SLC25A37: variants seen among roughly 807,000 people sequenced by gnomAD.
SLC25A37 encodes the protein mitoferrin-1.
SLC25A37 carries 17 observed loss-of-function variants against 31.0 expected under a neutral mutation model. The ratio of observed to expected loss-of-function variants is 0.55; its 90% confidence interval spans 0.38 to 0.82. SLC25A37 has a LOEUF of 0.82. Among genes scored for constraint, SLC25A37 ranks in the 40% least tolerant of loss-of-function variants. The pLI, the probability that SLC25A37 is intolerant of heterozygous loss-of-function variation, is 0.00. For synonymous variants in SLC25A37, 222 were observed against 193.0 expected, an observed-to-expected ratio of 1.15 and a Z score of -1.24; for missense variants, 404 against 465.8, an observed-to-expected ratio of 0.87 and a Z score of 1.22.
intron 1 of SLC25A37, among the ~76,000 whole-genome samples, chr8:23,548,286 C>A (rs1802123283): frequency 6.6e-6 from 1 of 152,140 alleles, no homozygotes; most frequent in Admixed American, 6.5e-5. Context: ...TCAAGCGATT[C>A]TCCTGCTTCA....
Position 23,529,088 on chromosome 8 carries a change from A to G in SLC25A37, c.86A>G (p.Asp29Gly), listed in dbSNP as rs748122896. 1 of 1,603,856 alleles carries G rather than the reference A, an allele frequency of 6.2e-7. No homozygotes were observed. The highest frequency in any genetic ancestry group is 8.5e-7 in the Non-Finnish European group (1 of 1,176,248). The change falls in exon 1 of 4, where the codon GAC becomes GGC. Residue 29 changes from aspartate (D) to glycine (G), a missense_variant. Asp to Gly is a moderately conservative substitution (Grantham distance 94). Transcript: ENST00000519973. The surrounding 1 kb of genome is among the most constrained non-coding windows in gnomAD (Gnocchi z 4.1). ...AGCCGAGATGGCGGCGGCGGCAAGGACGCCACCGGGTCGGAGGACTACGAG... is the reference window on the plus strand; with the variant it reads ...AGCCGAGATGGCGGCGGCGGCAAGGGCGCCACCGGGTCGGAGGACTACGAG... ...GDSRDGGGGK[D>G]ATGSEDYENL...
Position 23,551,527 on chromosome 8 carries a change from T to C in SLC25A37, c.211-14581T>C, listed in dbSNP as rs765103287. Among the ~76,000 whole-genome samples, 82 of 151,832 alleles carry C rather than the reference T, an allele frequency of 5.4e-4. No individual in the cohort carries two copies. The Middle Eastern group carries it at 0.014, about 25-fold the overall frequency. On this transcript the variant is annotated intron_variant, in intron 1 of 3. Coordinates refer to ENST00000519973, the MANE Select transcript of SLC25A37 (RefSeq NM_016612.4). The stretch of plus-strand genomic sequence containing the variant: ...GCTAGGCAGTGAGTCAGGAAGGAAT[T>C]GGTAAAAATGACGTCATTGCTAAGA...
rs186664013 is a variant in SLC25A37, at chr8:23,572,171, G to A, written c.*316G>A. 17 of 154,090 alleles carry A rather than the reference G, an allele frequency of 1.1e-4. 1 individual carries two copies. The highest frequency in any genetic ancestry group is 5.8e-4 in the African/African-American group (17 of 29,178). The allele number at this position is 154,090 out of a possible 1,614,324, so 9.5% of individuals were successfully genotyped here. ...CTCCCTGGATCCTTAGATCCCAGAG[G>A]AGGGAAGAAAATTTGCAGTGACTGA... is the stretch of plus-strand genomic sequence containing the variant. On this transcript the variant is annotated 3_prime_UTR_variant, in exon 4 of 4. Transcript: ENST00000519973.
chr8:23,538,079 A>G (rs1371636112), intron 1 of SLC25A37, among the ~76,000 whole-genome samples: 1 of 152,108 alleles, frequency 6.6e-6, no homozygotes, highest in African/African-American at 2.4e-5. Context: ...AAGTTATGAA[A>G]AGCTTTAAAA....
chr8:23,543,803 T>A (rs942994848), intron 1 of SLC25A37, among the ~76,000 whole-genome samples: 2 of 151,944 alleles, frequency 1.3e-5, no homozygotes, highest in South Asian at 4.2e-4. Flanking sequence ...CCCAAGATGC[T>A]GGGATTACAG....
At chr8:23,545,646 T>G (rs1204056682) in intron 1 of SLC25A37, among the ~76,000 whole-genome samples, 3 of 152,162 alleles carry the variant, frequency 2.0e-5, no homozygotes, top group Non-Finnish European at 4.4e-5. Context: ...TCAGGGTGGT[T>G]AGACAATGCC....
chr8:23,539,173 G>A (rs926920034), intron 1 of SLC25A37, among the ~76,000 whole-genome samples: 22 of 152,182 alleles, frequency 1.4e-4, no homozygotes, highest in African/African-American at 4.8e-4. Flanking sequence ...GTTGAAATAG[G>A]GAGAAATCCC....
chr8:23,538,408 CA>C (rs1801819246), intron 1 of SLC25A37, among the ~76,000 whole-genome samples: 1 of 46,132 alleles, frequency 2.2e-5, no homozygotes, highest in African/African-American at 6.9e-5. Context: ...AAAAAAAAAC[CA>C]GAAAAAAAAA....
intron 1 of SLC25A37, among the ~76,000 whole-genome samples, chr8:23,543,837 A>AAAGC (rs1801964622): frequency 7.5e-6 from 1 of 133,630 alleles, no homozygotes; most frequent in African/African-American, 3.2e-5. Context: ...CGCCCAGCAA[A>AAAGC]AAACGATGTG....
At chr8:23,557,549 A>C (rs553610322) in intron 1 of SLC25A37, among the ~76,000 whole-genome samples, 1 of 152,180 alleles carries the variant, frequency 6.6e-6, no homozygotes, top group African/African-American at 2.4e-5. Flanking sequence ...GCTCTGCAGG[A>C]ACCAGCTCCT....
chr8:23,553,643 G>A (rs1339045579), intron 1 of SLC25A37, among the ~76,000 whole-genome samples: 1 of 152,140 alleles, frequency 6.6e-6, no homozygotes, highest in Non-Finnish European at 1.5e-5. Context: ...GAATACTGAC[G>A]GAGTGCCAGG....
At position 23,538,395 on chromosome 8, in the gene SLC25A37, A is replaced by AAAAC. The variant is rs1183373934; in HGVS notation, c.210+9186_210+9187insCAAA. 1.8e-4 allele frequency among the ~76,000 whole-genome samples: 26 copies of AAAAC among 142,826 alleles called. 1 individual carries two copies. The highest frequency in any genetic ancestry group is 6.0e-4 in the African/African-American group (23 of 38,294). The allele number at this position is 142,826 out of a possible 152,430, so 93.7% of individuals were successfully genotyped here. A position where few individuals can be genotyped will look rare whatever the true frequency, so the allele number is the denominator to read the frequency against. ...GACTTCATCTCAAAAAAAAAAAAAA[A>AAAAC]AAAAAAAAAAACCAGAAAAAAAAAC... On this transcript the variant is annotated intron_variant, in intron 1 of 3. Transcript: ENST00000519973.
intron 1 of SLC25A37, among the ~76,000 whole-genome samples, chr8:23,556,893 C>T (rs933413729): frequency 6.6e-6 from 1 of 152,108 alleles, no homozygotes; most frequent in Non-Finnish European, 1.5e-5. Context: ...CTCTGTCACC[C>T]AGGCTGGAGT....
chr8:23,575,355 G>C lies in SLC25A37; in HGVS notation c.*3500G>C, dbSNP rs1802954722. On this transcript the variant is annotated 3_prime_UTR_variant, in exon 4 of 4. Coordinates refer to ENST00000519973, the MANE Select transcript of SLC25A37 (RefSeq NM_016612.4). ...TGTTTCTGCCTCTCAATTGTTGCCA[G>C]CTCTTTGAAGAAGGGGAGAATTGTG... 1 of 152,190 alleles carries C rather than the reference G, an allele frequency of 6.6e-6. No homozygotes were observed. The highest frequency in any genetic ancestry group is 1.5e-5 in the Non-Finnish European group (1 of 68,038). 9.4% of individuals were successfully genotyped at this position (152,190 alleles called of 1,614,324 possible).
chr8:23,556,914 G>A (rs907687816), intron 1 of SLC25A37, among the ~76,000 whole-genome samples: 1 of 151,946 alleles, frequency 6.6e-6, no homozygotes, highest in Non-Finnish European at 1.5e-5. Context: ...GCAATGGTGC[G>A]ATCTTGGCTC....
intron 1 of SLC25A37, among the ~76,000 whole-genome samples, chr8:23,534,960 G>A (rs1801736275): frequency 1.3e-5 from 2 of 152,084 alleles, no homozygotes. Context: ...CCCTGAGGAT[G>A]GCCCCTCTTC....
At chr8:23,560,107 T>G (rs1802474494) in intron 1 of SLC25A37, among the ~76,000 whole-genome samples, 1 of 151,880 alleles carries the variant, frequency 6.6e-6, no homozygotes, top group African/African-American at 2.4e-5. Flanking sequence ...TAAGACCCAG[T>G]CTCTACAAAA....
rs749813302 is a variant in SLC25A37 at position 23,571,421 on chromosome 8, G to A, written c.583G>A (p.Gly195Arg). 1.1e-5 allele frequency: 18 copies of A among 1,613,806 alleles called. No individual in the cohort carries two copies. The highest frequency in any genetic ancestry group is 1.4e-5 in the Non-Finnish European group (17 of 1,179,860). Residue 195 changes from glycine (G) to arginine (R), a missense_variant, in exon 4 of 4, where the codon GGG (glycine) becomes AGG (arginine). Gly to Arg is a moderately radical substitution (Grantham distance 125). This residue lies in a region of SLC25A37 where 243 missense variants were observed against 284.4 expected (regional missense o/e 0.85). Transcript: ENST00000519973. The part of the protein sequence containing the change: ...IRTVWRTEGL[G>R]AFYRSYTTQL... The stretch of plus-strand genomic sequence containing the variant: ...GACGGTGTGGAGGACCGAGGGGTTG[G>A]GGGCCTTCTACCGGAGCTACACCAC...
At chr8:23,546,598 G>GTGTA (rs1563256323) in intron 1 of SLC25A37, among the ~76,000 whole-genome samples, 1 of 55,672 alleles carries the variant, frequency 1.8e-5, no homozygotes, top group South Asian at 6.5e-4. Context: ...TATATATATA[G>GTGTA]TGTATGTGTG....
Sources: allele counts gnomAD v4.1 joint callset (sites outside exome capture counted in the v4.1 genomes callset), GRCh38; gene constraint gnomAD v4.1.1; regional missense constraint gnomAD v4.1.1; non-coding constraint Gnocchi (gnomAD v3.1); transcripts MANE v1.5; gene names NCBI Gene and HGNC (gene_info 2026-07-23, HGNC 2026-07-21).